The following FBLN1 variants were observed in gnomAD, a reference collection of about 807,000 sequenced individuals.
FBLN1 encodes fibulin 1, also known as fibulin-1.
Under a neutral mutation model 89.7 loss-of-function variants are expected in FBLN1, and 34 were observed. The ratio of observed to expected loss-of-function variants is 0.38; its 90% CI spans 0.29 to 0.50. FBLN1 has a LOEUF of 0.50. Ranked by LOEUF, FBLN1 falls within the 20% of genes least tolerant of loss-of-function variation. The pLI, the probability that FBLN1 is intolerant of heterozygous loss-of-function variation, is 0.92. For synonymous variants in FBLN1, 393 were observed against 391.3 expected (o/e 1.00, Z -0.05); for missense variants, 777 against 988.1 (o/e 0.79, Z 2.86).
chr22:45,518,898 C>A, intron 2 of FBLN1, 111 bp downstream of exon 2: 1 of 996,458 alleles, frequency 1.0e-6, no homozygotes, highest in Non-Finnish European at 1.5e-6. Flanking sequence ...GACACCCAGG[C>A]CCGGATCCAT....
At chr22:45,542,391 C>G in intron 10 of FBLN1, 108 bp downstream of exon 10, 1 of 1,439,744 alleles carries the variant, frequency 6.9e-7, no homozygotes, top group Non-Finnish European at 9.6e-7. Flanking sequence ...TCAGATAATC[C>G]CAAGTGCAGG....
At chr22:45,516,409 G>A (rs745521119) in intron 1 of FBLN1, among the ~76,000 whole-genome samples, 9 of 152,164 alleles carry the variant, frequency 5.9e-5, no homozygotes, top group African/African-American at 9.7e-5. Context: ...GGCCTGTCTC[G>A]TCTGTAACAG....
Position 45,533,063 on chromosome 22 carries a change from G to C in FBLN1, c.545G>C (p.Gly182Ala). The stretch of plus-strand genomic sequence containing the variant: ...TGGCTCATGCACGCTGTGCTTCCAG[G>C]AGGCGGGCCCTGCAAGCAGCAGTGC... ...EDPYLNDRCR[G>A]GGPCKQQCRD... The change falls in exon 6 of 17, where the codon GGA (glycine) becomes GCA (alanine). Residue 182 changes from glycine (G) to alanine (A), a missense_variant and splice_region_variant. Physicochemically the swap from Gly to Ala is moderately conservative, Grantham distance 60 (BLOSUM62 0). Transcript: ENST00000327858. 6.2e-7 allele frequency: 1 copy of C among 1,613,926 alleles called. No homozygotes were observed. Among genetic ancestry groups the C allele is most frequent in the East Asian group, 2.2e-5 (1 of 44,888 alleles).
chr22:45,554,869 A>G (rs1316577398), intron 14 of FBLN1, among the ~76,000 whole-genome samples: 1 of 152,212 alleles, frequency 6.6e-6, no homozygotes, highest in Non-Finnish European at 1.5e-5. Context: ...AGAAATTAGA[A>G]CTTGTTACTA....
In FBLN1 at chr22:45,547,100, G is replaced by A; in HGVS notation, c.1337G>A (p.Ser446Asn). 1 of 1,614,148 alleles carries A rather than the reference G, an allele frequency of 6.2e-7. No homozygotes were observed. The highest frequency in any genetic ancestry group is 1.6e-4 in the Middle Eastern group (1 of 6,062). The change falls in exon 12 of 17, where the codon AGC (serine) becomes AAC (asparagine). Residue 446 changes from serine (S) to asparagine (N), a missense_variant. By Grantham distance (46) the Ser-to-Asn change is conservative. Coordinates refer to ENST00000327858, the MANE Select transcript of FBLN1 (RefSeq NM_006486.3). ...TGTATTTCAGACATCAATGAGTGCA[G>A]CAGCAGCCCCTGTAGCCAGGAGTGT... is the stretch of plus-strand genomic sequence containing the variant. ...GRSCEDINECSSSPCSQECAN... is the reference protein window; with the variant it reads ...GRSCEDINECNSSPCSQECAN...
chr22:45,534,096 C>T (rs1345418217), intron 7 of FBLN1, among the ~76,000 whole-genome samples, 198 bp downstream of exon 7: 1 of 152,130 alleles, frequency 6.6e-6, no homozygotes, highest in African/African-American at 2.4e-5. Flanking sequence ...GGTGAAAGTG[C>T]TTGCCAATAA....
chr22:45,523,674 A>C (rs2088281651), intron 2 of FBLN1, among the ~76,000 whole-genome samples: 1 of 152,204 alleles, frequency 6.6e-6, no homozygotes, highest in South Asian at 2.1e-4. Context: ...ATTGCACTCC[A>C]GCCTGGGCGA....
In FBLN1 at chr22:45,531,025, A is replaced by G. The variant is rs2088399383; in HGVS notation, c.485-240A>G. Among the ~76,000 whole-genome samples the G allele has an allele frequency of 6.6e-6, 1 of 152,122 alleles. No homozygotes were observed. The highest frequency in any genetic ancestry group is 6.5e-5 in the Admixed American group (1 of 15,270). ...GTGATCCGCCTGCCTCGGCCTCCCA[A>G]AGTGCTGGGATTACAGGTGCCCGCC... On this transcript the variant is annotated intron_variant, in intron 4 of 16. Transcript: ENST00000327858. The surrounding 1 kb of genome is among the most constrained non-coding windows in gnomAD (Gnocchi z 4.9).
intron 4 of FBLN1, 116 bp downstream of exon 4, chr22:45,528,125 G>GA (rs397730437): frequency 1.3e-5 from 17 of 1,264,236 alleles, no homozygotes; most frequent in African/African-American, 1.2e-4. Context: ...TGATCGTGGG[G>GA]CTGGCAAGTC....
chr22:45,524,117 AC>A (rs1316046017), intron 2 of FBLN1, among the ~76,000 whole-genome samples: 1 of 152,162 alleles, frequency 6.6e-6, no homozygotes, highest in African/African-American at 2.4e-5. Context: ...TTTGAGACAC[AC>A]GGGCAGCCGG....
In FBLN1 at chr22:45,568,645, T is replaced by TAG. The variant is rs1381458998; in HGVS notation, c.1698-5866_1698-5865insAG. On this transcript the variant is annotated intron_variant, in intron 14 of 16. Coordinates refer to ENST00000327858, the MANE Select transcript of FBLN1 (RefSeq NM_006486.3). The stretch of plus-strand genomic sequence containing the variant: ...CTCCTGTAAGGGAATGCCTCTTCTG[T>TAG]GGGAGAATGCTCCTTCTGTAGGGGA... 1.3e-3 allele frequency among the ~76,000 whole-genome samples: 133 copies of TAG among 104,018 alleles called. 30 individuals are homozygous for TAG. Among genetic ancestry groups the TAG allele is most frequent in the Middle Eastern group, 4.8e-3 (1 of 208 alleles). The allele number at this position is 104,018 out of a possible 152,430, so 68.2% of individuals were successfully genotyped here. A position where few individuals can be genotyped will look rare whatever the true frequency, so the allele number is the denominator to read the frequency against.
intron 14 of FBLN1, among the ~76,000 whole-genome samples, chr22:45,566,679 T>C (rs2088904071): frequency 6.6e-6 from 1 of 152,192 alleles, no homozygotes; most frequent in Non-Finnish European, 1.5e-5. Context: ...GGTGTGAGTG[T>C]GGGTTTCTTC....
chr22:45,548,549 G>A (rs2088660516), intron 12 of FBLN1, 64 bp from the exon 13 acceptor site: 3 of 1,606,736 alleles, frequency 1.9e-6, no homozygotes, highest in Admixed American at 1.7e-5. Context: ...GGGCGATGTA[G>A]CATGGCCAGC....
At chr22:45,551,050 G>T (rs2088695115) in intron 14 of FBLN1, 1 of 281,242 alleles carries the variant, frequency 3.6e-6, no homozygotes, top group South Asian at 4.0e-5. Context: ...GGACGTTGTT[G>T]TTAGGTGCCC....
Position 45,577,586 on chromosome 22 carries a change from G to T in FBLN1, c.1972+478G>T, listed in dbSNP as rs1022205204. Among the ~76,000 whole-genome samples, 2 of 152,190 alleles carry T rather than the reference G, an allele frequency of 1.3e-5. No individual in the cohort carries two copies. The highest frequency in any genetic ancestry group is 2.4e-5 in the African/African-American group (1 of 41,454). ...CTCAGCCTTGGAACTAGCTGGATTC[G>T]CCATGTGGCCTTGAGCAGTAGTCGT... On this transcript the variant is annotated intron_variant, in intron 16 of 16. Coordinates refer to ENST00000327858, the MANE Select transcript of FBLN1 (RefSeq NM_006486.3). The surrounding 1 kb of genome is among the most constrained non-coding windows in gnomAD (Gnocchi z 6.6).
chr22:45,598,087 AATCC>A (rs1212798691), intron 16 of FBLN1, among the ~76,000 whole-genome samples: 5 of 152,220 alleles, frequency 3.3e-5, no homozygotes, highest in African/African-American at 9.6e-5. Context: ...CTGTTCACAG[AATCC>A]AGCCTGGAAT....
intron 7 of FBLN1, 109 bp from the exon 8 acceptor site, chr22:45,535,091 T>C: frequency 8.0e-7 from 1 of 1,250,464 alleles, no homozygotes; most frequent in South Asian, 1.2e-5. Flanking sequence ...TTTTGGGTTA[T>C]AGTCTGAGTA....
intron 2 of FBLN1, among the ~76,000 whole-genome samples, chr22:45,519,624 C>CAAAAAAAAA (rs136720): frequency 8.5e-6 from 1 of 117,346 alleles, no homozygotes; most frequent in Non-Finnish European, 1.7e-5. Context: ...AACTCTAACT[C>CAAAAAAAAA]AAAAAAAAAA....
In FBLN1 at chr22:45,600,383, G is replaced by A; in HGVS notation, c.2049G>A (p.Gly683=). ...AGCTGGAGATGAACTATGTGGTCGG[G>A]GGCGTGGTCTCCCACCGAAATGTTG... is the stretch of plus-strand genomic sequence containing the variant. The part of the protein sequence containing the change: ...VLKLEMNYVV[G]GVVSHRNVVN... Residue 683 remains glycine (G), a synonymous_variant, in exon 17 of 17, where the codon GGG becomes GGA. Coordinates refer to ENST00000327858, the MANE Select transcript of FBLN1 (RefSeq NM_006486.3). 6.2e-7 allele frequency: 1 copy of A among 1,614,126 alleles called. No homozygotes were observed. Among genetic ancestry groups the A allele is most frequent in the Non-Finnish European group, 8.5e-7 (1 of 1,180,028 alleles).
Sources: allele counts gnomAD v4.1 joint callset (sites outside exome capture counted in the v4.1 genomes callset), GRCh38; gene constraint gnomAD v4.1.1; non-coding constraint Gnocchi (gnomAD v3.1); transcripts MANE v1.5; gene names NCBI Gene and HGNC (gene_info 2026-07-23, HGNC 2026-07-21).